GAS2: variants seen among roughly 807,000 people sequenced by gnomAD.
The protein encoded by GAS2 is growth arrest specific 2.
GAS2 carries 20 observed loss-of-function variants against 37.5 expected under a neutral mutation model. The ratio of observed to expected loss-of-function variants is 0.53; its 90% CI spans 0.37 to 0.77. The LOEUF (loss-of-function observed/expected upper bound fraction) is 0.77, where lower values mean the gene tolerates loss of function less well. GAS2 is among the 30% of genes least tolerant of loss of function. The pLI is 0.00. For missense variants in GAS2, 336 were observed against 373.4 expected, an observed-to-expected ratio of 0.90 and a Z score of 0.82; for synonymous variants, 144 against 132.2, an observed-to-expected ratio of 1.09 and a Z score of -0.61.
At position 22,705,371 on chromosome 11, in the gene GAS2, T is replaced by C. The variant is rs192777778; in HGVS notation, c.267+19582T>C. On this transcript the variant is annotated intron_variant, in intron 3 of 7. Transcript: ENST00000454584. ...TCTTCATGTCCCTGCTCAAATGTCA[T>C]GTTTTATCTGAGGCCTTCCCTGACC... Among the ~76,000 whole-genome samples, 1,279 of 145,022 alleles carry C rather than the reference T, an allele frequency of 8.8e-3. 15 individuals carry two copies. The highest frequency in any genetic ancestry group is 0.031 in the African/African-American group (1,219 of 38,898).
At chr11:22,694,270 GGA>G (rs2133985038) in intron 3 of GAS2, among the ~76,000 whole-genome samples, 1 of 152,250 alleles carries the variant, frequency 6.6e-6, no homozygotes, top group Non-Finnish European at 1.5e-5. Context: ...GGTCATTCTA[GGA>G]GATCTGATTG....
intron 4 of GAS2, among the ~76,000 whole-genome samples, chr11:22,729,420 C>G (rs1221482845): frequency 1.3e-5 from 2 of 151,854 alleles, no homozygotes; most frequent in Non-Finnish European, 2.9e-5. Flanking sequence ...GAAGGGAGAG[C>G]AACTAATTCC....
intron 3 of GAS2, among the ~76,000 whole-genome samples, chr11:22,701,881 A>C (rs187156252): frequency 6.6e-6 from 1 of 152,146 alleles, no homozygotes; most frequent in African/African-American, 2.4e-5. Context: ...AAGAAGTCAC[A>C]GGTCTTAAGT....
At chr11:22,703,426 A>G (rs1291809310) in intron 3 of GAS2, among the ~76,000 whole-genome samples, 1 of 152,216 alleles carries the variant, frequency 6.6e-6, no homozygotes, top group African/African-American at 2.4e-5. Context: ...TAATTATTTT[A>G]AAATGAGCTG....
At chr11:22,729,034 CT>C (rs879442161) in intron 4 of GAS2, among the ~76,000 whole-genome samples, 212 of 141,542 alleles carry the variant, frequency 1.5e-3, no homozygotes, top group Middle Eastern at 3.6e-3. Flanking sequence ...TGGGGCAAGG[CT>C]TTTTTTTTTT....
At chr11:22,675,987 T>G (rs1489853855) in intron 2 of GAS2, among the ~76,000 whole-genome samples, 1 of 152,156 alleles carries the variant, frequency 6.6e-6, no homozygotes, top group Non-Finnish European at 1.5e-5. Flanking sequence ...GGCTCTGGAT[T>G]TTTGCATGGC....
intron 1 of GAS2, among the ~76,000 whole-genome samples, chr11:22,644,632 C>T (rs1209073243): frequency 6.6e-6 from 1 of 152,066 alleles, no homozygotes; most frequent in East Asian, 1.9e-4. Flanking sequence ...GTTTGTTTTT[C>T]ATTTTTGAGA....
chr11:22,807,733 C>G (rs1038775573), intron 7 of GAS2, among the ~76,000 whole-genome samples: 2 of 152,164 alleles, frequency 1.3e-5, no homozygotes, highest in African/African-American at 4.8e-5. Flanking sequence ...TCCATCTCAA[C>G]TGACTAAAAT....
At chr11:22,663,316 C>G (rs1031343940), upstream of GAS2, among the ~76,000 whole-genome samples, 3 of 151,934 alleles carry the variant, frequency 2.0e-5, no homozygotes, top group African/African-American at 7.3e-5. Context: ...TGTGGTCCCA[C>G]CTACCGTGAC....
intron 7 of GAS2, among the ~76,000 whole-genome samples, chr11:22,794,558 A>G (rs975899205): frequency 3.3e-5 from 5 of 151,838 alleles, no homozygotes; most frequent in African/African-American, 7.3e-5. Context: ...CTTTCTTTCT[A>G]TTTGCTCAAC....
intron 1 of GAS2, among the ~76,000 whole-genome samples, chr11:22,658,107 C>A (rs990583067): frequency 2.6e-5 from 4 of 151,674 alleles, no homozygotes; most frequent in Non-Finnish European, 4.4e-5. Context: ...CTCACTGCAA[C>A]CTCCACCTCC....
chr11:22,629,414 T>C (rs1858714435), intron 1 of GAS2, among the ~76,000 whole-genome samples: 1 of 152,020 alleles, frequency 6.6e-6, no homozygotes, highest in Admixed American at 6.6e-5. Context: ...CTGGTTTGGA[T>C]TCCCACCAAC....
intron 3 of GAS2, among the ~76,000 whole-genome samples, chr11:22,699,114 A>G (rs1590661413): frequency 1.3e-5 from 2 of 152,266 alleles, no homozygotes; most frequent in East Asian, 3.9e-4. Flanking sequence ...GTTGTGTTCC[A>G]TTATCGGTCT....
At chr11:22,748,816 C>A (rs539541865) in intron 5 of GAS2, among the ~76,000 whole-genome samples, 1 of 152,094 alleles carries the variant, frequency 6.6e-6, no homozygotes, top group African/African-American at 2.4e-5. Context: ...TGCTGAAGAC[C>A]AAATTTACAT....
At chr11:22,791,581 T>C (rs764849483) in intron 7 of GAS2, among the ~76,000 whole-genome samples, 121 of 152,360 alleles carry the variant, frequency 7.9e-4, no homozygotes, top group Non-Finnish European at 1.3e-3. Flanking sequence ...TTTCTTTTTC[T>C]GATCTCACTA....
At chr11:22,648,182 T>A (rs1848727071) in intron 1 of GAS2, among the ~76,000 whole-genome samples, 2 of 152,248 alleles carry the variant, frequency 1.3e-5, no homozygotes, top group South Asian at 4.1e-4. Context: ...AAATAGGGAA[T>A]CCTTTCCCCA....
chr11:22,726,710 C>A (rs1852233374), intron 4 of GAS2, among the ~76,000 whole-genome samples: 2 of 151,976 alleles, frequency 1.3e-5, no homozygotes, highest in African/African-American at 2.4e-5. Context: ...GCCATTAGGG[C>A]AAAATTGGTG....
intron 6 of GAS2, chr11:22,755,609 T>G: frequency 2.8e-6 from 1 of 360,114 alleles, no homozygotes. Context: ...TCCTCCAGCA[T>G]CATCACTGTC....
chr11:22,778,467 G>C (rs10833813), intron 7 of GAS2, among the ~76,000 whole-genome samples: 84,673 of 152,064 alleles, frequency 0.56, 24,011 homozygotes, highest in South Asian at 0.7. Flanking sequence ...TAGAATAATA[G>C]GGTTCAGGAG....
Sources: allele counts gnomAD v4.1 joint callset (sites outside exome capture counted in the v4.1 genomes callset), GRCh38; gene constraint gnomAD v4.1.1; transcripts MANE v1.5; gene names NCBI Gene and HGNC (gene_info 2026-07-23, HGNC 2026-07-21).